Variants in CNTN1 observed in about 807,000 individuals in gnomAD.
CNTN1 encodes contactin-1.
In CNTN1, 38 loss-of-function variants were observed where a neutral mutation model predicts 126.4. The observed-to-expected ratio is 0.30, with a 90% CI of 0.23 to 0.39. CNTN1 has a LOEUF of 0.39. Ranked by LOEUF, CNTN1 falls within the 10% of genes least tolerant of loss-of-function variation. The pLI is 1.00. For missense variants in CNTN1, 1,009 were observed against 1,248.4 expected, an observed-to-expected ratio of 0.81 and a Z score of 2.89; for synonymous variants, 413 against 422.6, an observed-to-expected ratio of 0.98 and a Z score of 0.28.
intron 1 of CNTN1, among the ~76,000 whole-genome samples, chr12:40,796,747 C>A (rs531043399): frequency 6.6e-6 from 1 of 152,048 alleles, no homozygotes; most frequent in Admixed American, 6.6e-5. Flanking sequence ...AAATGAAATT[C>A]TCTCACTTAA....
intron 23 of CNTN1, among the ~76,000 whole-genome samples, chr12:41,035,231 G>A (rs1259955054): frequency 2.0e-5 from 3 of 152,076 alleles, no homozygotes; most frequent in Non-Finnish European, 4.4e-5. Context: ...ATGTAAGAAT[G>A]GAAAGGAAAT....
At chr12:41,016,646 T>C in intron 18 of CNTN1, 36 bp from the exon 19 acceptor site, 1 of 1,353,940 alleles carries the variant, frequency 7.4e-7, no homozygotes, top group South Asian at 1.2e-5. Flanking sequence ...TTACCTGTAT[T>C]ACTAAAACCT....
intron 23 of CNTN1, among the ~76,000 whole-genome samples, chr12:41,056,880 T>C (rs1284880609): frequency 8.3e-6 from 1 of 120,180 alleles, no homozygotes; most frequent in Admixed American, 9.4e-5. Flanking sequence ...TATTTGGATA[T>C]TTATAAATAT....
At chr12:40,936,415 T>C (rs1292481290) in intron 9 of CNTN1, among the ~76,000 whole-genome samples, 6 of 152,146 alleles carry the variant, frequency 3.9e-5, no homozygotes, top group African/African-American at 1.4e-4. Flanking sequence ...TAAGAGATGG[T>C]ATCATATTGA....
chr12:40,907,133 T>A (rs1944860330), intron 1 of CNTN1, among the ~76,000 whole-genome samples: 1 of 152,192 alleles, frequency 6.6e-6, no homozygotes, highest in Non-Finnish European at 1.5e-5. Context: ...CTAGGCCATA[T>A]CATTCTTAAG....
At chr12:40,963,820 CT>C (rs1479143838) in intron 15 of CNTN1, among the ~76,000 whole-genome samples, 14 of 152,042 alleles carry the variant, frequency 9.2e-5, no homozygotes, top group Admixed American at 9.2e-4. Context: ...GTGAACAGCC[CT>C]GTATGAATAT....
At chr12:40,864,076 A>G (rs1204560866) in intron 1 of CNTN1, among the ~76,000 whole-genome samples, 4 of 137,494 alleles carry the variant, frequency 2.9e-5, no homozygotes, top group Non-Finnish European at 6.1e-5. Flanking sequence ...GCTGGAGTGC[A>G]ATGGTGCGAT....
chr12:40,910,137 A>G, intron 3 of CNTN1, 32 bp downstream of exon 3: 1 of 1,522,066 alleles, frequency 6.6e-7, no homozygotes, highest in Non-Finnish European at 9.1e-7. Flanking sequence ...CCTTGTAAAC[A>G]TCTTTTCTCT....
intron 1 of CNTN1, among the ~76,000 whole-genome samples, chr12:40,872,635 A>T (rs1440365351): frequency 8.0e-6 from 1 of 125,448 alleles, no homozygotes; most frequent in Non-Finnish European, 1.5e-5. Flanking sequence ...TAGTGGCGCT[A>T]TCTTGGCTCA....
At chr12:40,845,063 T>C (rs985505264) in intron 1 of CNTN1, among the ~76,000 whole-genome samples, 4 of 152,172 alleles carry the variant, frequency 2.6e-5, no homozygotes, top group African/African-American at 9.6e-5. Flanking sequence ...TGAGCATTGA[T>C]TAGGAAATTG....
At chr12:41,069,896 C>A in intron 23 of CNTN1, 63 bp from the exon 24 acceptor site, 1 of 1,359,840 alleles carries the variant, frequency 7.4e-7, no homozygotes, top group Non-Finnish European at 1.1e-6. Context: ...CTGAAGCAGA[C>A]TAAATGAGCA....
At chr12:41,035,670 C>T (rs1248372960) in intron 23 of CNTN1, among the ~76,000 whole-genome samples, 1 of 152,088 alleles carries the variant, frequency 6.6e-6, no homozygotes, top group African/African-American at 2.4e-5. Flanking sequence ...ATGATTAGGT[C>T]AAGCCTCACT....
chr12:40,698,736 C>G (rs1023827934), intron 1 of CNTN1, among the ~76,000 whole-genome samples: 3 of 152,002 alleles, frequency 2.0e-5, no homozygotes, highest in African/African-American at 7.2e-5. Flanking sequence ...GTTAGTTCCC[C>G]TTTTTTTGTA....
intron 1 of CNTN1, among the ~76,000 whole-genome samples, chr12:40,738,232 C>T (rs746641760): frequency 2.0e-5 from 3 of 151,882 alleles, no homozygotes; most frequent in Non-Finnish European, 2.9e-5. Flanking sequence ...AGCTCGGAAA[C>T]TTATATTGAT....
intron 14 of CNTN1, among the ~76,000 whole-genome samples, chr12:40,952,332 G>C (rs779970390): frequency 9.2e-5 from 14 of 152,092 alleles, no homozygotes; most frequent in Non-Finnish European, 1.9e-4. Context: ...GATAGTCCTA[G>C]TTTCATTATT....
intron 23 of CNTN1, among the ~76,000 whole-genome samples, chr12:41,066,944 C>A (rs1382735645): frequency 6.6e-6 from 1 of 152,140 alleles, no homozygotes; most frequent in Non-Finnish European, 1.5e-5. Flanking sequence ...ATGATTTGTT[C>A]AGGTTTAACA....
At chr12:41,066,237 T>G (rs61082650) in intron 23 of CNTN1, among the ~76,000 whole-genome samples, 3,322 of 152,310 alleles carry the variant, frequency 0.022, 120 homozygotes, top group African/African-American at 0.075. Flanking sequence ...AACTATTTTC[T>G]GAGGAAAAGT....
At chr12:40,878,485 T>TC (rs1943756488) in intron 1 of CNTN1, among the ~76,000 whole-genome samples, 1 of 152,176 alleles carries the variant, frequency 6.6e-6, no homozygotes, top group Admixed American at 6.5e-5. Context: ...ACATGTTCAA[T>TC]TAGTTTTACC....
At chr12:40,908,333 T>A in intron 1 of CNTN1, 24 bp from the exon 2 acceptor site, 1 of 836,172 alleles carries the variant, frequency 1.2e-6, no homozygotes, top group South Asian at 1.5e-5. Flanking sequence ...TCTTTCCTTC[T>A]TCTTCTTTTC....
Sources: allele counts gnomAD v4.1 joint callset (sites outside exome capture counted in the v4.1 genomes callset), GRCh38; gene constraint gnomAD v4.1.1; transcripts MANE v1.5; gene names NCBI Gene and HGNC (gene_info 2026-07-23, HGNC 2026-07-21).